Variants in CNTN4 observed in about 807,000 individuals in gnomAD.
CNTN4 encodes the protein contactin 4.
CNTN4 carries 77 observed loss-of-function variants against 122.5 expected under a neutral mutation model. That is an observed-to-expected ratio of 0.63 (90% CI 0.52 to 0.76). The LOEUF is 0.76. Among genes scored for constraint, CNTN4 ranks in the 30% least tolerant of loss-of-function variants. The pLI, the probability that CNTN4 is intolerant of heterozygous loss-of-function variation, is 0.00. For missense variants in CNTN4, 1,256 were observed against 1,259.1 expected, an observed-to-expected ratio of 1.00 and a Z score of 0.04; for synonymous variants, 512 against 447.0, an observed-to-expected ratio of 1.15 and a Z score of -1.83.
In CNTN4 at chr3:2,571,454, T is replaced by C. The variant is rs377736175; in HGVS notation, c.-50T>C. The C allele has an allele frequency of 6.1e-6, 8 of 1,319,848 alleles. 1 individual carries two copies. The African/African-American group carries it at 8.6e-5, about 14-fold the overall frequency. The allele number at this position is 1,319,848 out of a possible 1,614,324, so 81.8% of individuals were successfully genotyped here. ...CAAAACTTAAAAGAAGCAGCAATTC[T>C]ATTCGCTTGTTATTGGACTTGAAAC... On this transcript the variant is annotated 5_prime_UTR_variant, in exon 4 of 25. Coordinates refer to ENST00000418658, the MANE Select transcript of CNTN4 (RefSeq NM_175607.3).
chr3:2,776,010 T>G (rs920131621), intron 6 of CNTN4, among the ~76,000 whole-genome samples: 1 of 152,220 alleles, frequency 6.6e-6, no homozygotes, highest in African/African-American at 2.4e-5. Flanking sequence ...TATACATACT[T>G]ATGTCATAGC....
chr3:2,308,710 A>G (rs1173447093), intron 2 of CNTN4, among the ~76,000 whole-genome samples: 2 of 151,920 alleles, frequency 1.3e-5, no homozygotes. Context: ...ATTTGCTTTT[A>G]GTTTTGATTG....
intron 4 of CNTN4, among the ~76,000 whole-genome samples, chr3:2,628,043 G>A (rs1240567526): frequency 3.3e-5 from 5 of 152,160 alleles, no homozygotes; most frequent in Non-Finnish European, 5.9e-5. Context: ...TTTGAGAGGT[G>A]GCTGAACTGG....
chr3:2,646,934 A>C (rs894011481), intron 4 of CNTN4, among the ~76,000 whole-genome samples: 3 of 152,222 alleles, frequency 2.0e-5, no homozygotes, highest in African/African-American at 4.8e-5. Context: ...TCACATTCTA[A>C]GGTACCAGGG....
intron 3 of CNTN4, among the ~76,000 whole-genome samples, chr3:2,546,072 A>C (rs1030578614): frequency 6.6e-6 from 1 of 152,130 alleles, no homozygotes; most frequent in Non-Finnish European, 1.5e-5. Flanking sequence ...GCTGGTGGGA[A>C]TGTAAAGTAG....
intron 7 of CNTN4, among the ~76,000 whole-genome samples, chr3:2,852,710 A>G (rs550911657): frequency 5.3e-5 from 8 of 152,344 alleles, no homozygotes; most frequent in African/African-American, 1.9e-4. Flanking sequence ...CAAGGTTTCA[A>G]GACCATGTAC....
chr3:2,875,764 G>C (rs933309950), intron 8 of CNTN4, among the ~76,000 whole-genome samples: 2 of 152,200 alleles, frequency 1.3e-5, no homozygotes, highest in Non-Finnish European at 2.9e-5. Context: ...GGACCAACAC[G>C]TACAGAGATA....
intron 14 of CNTN4, among the ~76,000 whole-genome samples, chr3:3,005,572 G>A (rs970853334): frequency 6.6e-6 from 1 of 151,408 alleles, no homozygotes; most frequent in African/African-American, 2.5e-5. Flanking sequence ...CACAGTTCTG[G>A]AGGCCGTGGT....
intron 12 of CNTN4, among the ~76,000 whole-genome samples, chr3:2,922,604 CT>C (rs2094439230): frequency 7.7e-6 from 1 of 130,622 alleles, no homozygotes; most frequent in East Asian, 2.3e-4. Flanking sequence ...AAGAAAAGAA[CT>C]TGATTTTTTT....
chr3:2,468,208 A>G (rs2075568872), intron 3 of CNTN4, among the ~76,000 whole-genome samples: 1 of 152,196 alleles, frequency 6.6e-6, no homozygotes, highest in Non-Finnish European at 1.5e-5. Context: ...AGAAAAACTA[A>G]GAATAAAGAA....
At chr3:2,662,947 C>G (rs553980566) in intron 4 of CNTN4, among the ~76,000 whole-genome samples, 2 of 151,872 alleles carry the variant, frequency 1.3e-5, no homozygotes, top group South Asian at 4.2e-4. Flanking sequence ...TTTTAGTATA[C>G]AAAAATTAGC....
chr3:2,788,073 G>A (rs1191005863), intron 6 of CNTN4, among the ~76,000 whole-genome samples: 4 of 151,914 alleles, frequency 2.6e-5, no homozygotes, highest in South Asian at 4.2e-4. Flanking sequence ...TACCGTGCCC[G>A]GCCTATAGTA....
At chr3:2,838,680 A>C (rs1421739747) in intron 7 of CNTN4, among the ~76,000 whole-genome samples, 1 of 152,144 alleles carries the variant, frequency 6.6e-6, no homozygotes, top group Non-Finnish European at 1.5e-5. Flanking sequence ...CTCTTGAAGC[A>C]GACTAATGAT....
chr3:2,279,213 G>T (rs147926776), intron 2 of CNTN4, among the ~76,000 whole-genome samples: 1 of 152,268 alleles, frequency 6.6e-6, no homozygotes, highest in African/African-American at 2.4e-5. Context: ...ATTTGATAAT[G>T]AGGGGCTGGA....
chr3:2,979,125 A>G (rs978497344), intron 13 of CNTN4, among the ~76,000 whole-genome samples: 1 of 152,140 alleles, frequency 6.6e-6, no homozygotes, highest in African/African-American at 2.4e-5. Flanking sequence ...ACCTTTGTGG[A>G]CAGGACTAGG....
At chr3:2,892,839 C>G (rs1009856283) in intron 10 of CNTN4, among the ~76,000 whole-genome samples, 1 of 152,098 alleles carries the variant, frequency 6.6e-6, no homozygotes, top group Non-Finnish European at 1.5e-5. Flanking sequence ...TGGGGCCAAC[C>G]CTTTGATTTT....
intron 2 of CNTN4, among the ~76,000 whole-genome samples, chr3:2,126,577 C>G (rs551167887): frequency 1.3e-5 from 2 of 152,198 alleles, no homozygotes; most frequent in South Asian, 2.1e-4. Flanking sequence ...AGTTCTGTAG[C>G]CCTGTGCTTG....
intron 5 of CNTN4, among the ~76,000 whole-genome samples, chr3:2,739,007 G>T (rs565506875): frequency 6.6e-6 from 1 of 152,138 alleles, no homozygotes; most frequent in South Asian, 2.1e-4. Flanking sequence ...ATGGGTAAGG[G>T]ATTCATATCC....
At chr3:2,243,161 A>T (rs1415935188) in intron 2 of CNTN4, among the ~76,000 whole-genome samples, 2 of 152,038 alleles carry the variant, frequency 1.3e-5, no homozygotes, top group East Asian at 3.9e-4. Flanking sequence ...GTCCTCTTAA[A>T]CCTGGCAAAT....
Sources: allele counts gnomAD v4.1 joint callset (sites outside exome capture counted in the v4.1 genomes callset), GRCh38; gene constraint gnomAD v4.1.1; transcripts MANE v1.5; gene names NCBI Gene and HGNC (gene_info 2026-07-23, HGNC 2026-07-21).